The following RBFOX1 variants were observed in gnomAD, a reference collection of about 807,000 sequenced individuals.
RBFOX1 encodes RNA binding protein fox-1 homolog 1.
A neutral mutation model predicts 57.7 loss-of-function variants in RBFOX1; 8 were observed. The observed-to-expected ratio is 0.14, with a 90% CI of 0.08 to 0.25. The LOEUF is 0.25. Among genes scored for constraint, RBFOX1 ranks in the 10% least tolerant of loss-of-function variants. RBFOX1 has a pLI of 1.00. For synonymous variants in RBFOX1, 326 were observed against 222.4 expected, an observed-to-expected ratio of 1.47 and a Z score of -4.15; for missense variants, 611 against 548.5, an observed-to-expected ratio of 1.11 and a Z score of -1.14.
chr16:6,788,995 A>G lies in RBFOX1; in HGVS notation c.-16+134345A>G, dbSNP rs1285504920. On this transcript the variant is annotated intron_variant, in intron 3 of 15. Transcript: ENST00000550418. ...TGGGACATGTGGTTTTATTCCCTGA[A>G]AAGTCACTTCTGGATGGACCCAGTC... Among the ~76,000 whole-genome samples the G allele has an allele frequency of 3.9e-5, 6 of 152,214 alleles. No individual in the cohort carries two copies. In the South Asian group the frequency reaches 6.2e-4, roughly 16 times the overall value.
chr16:7,286,712 C>G (rs186304373), intron 4 of RBFOX1, among the ~76,000 whole-genome samples: 1 of 150,764 alleles, frequency 6.6e-6, no homozygotes, highest in Non-Finnish European at 1.5e-5. Context: ...CAAGCTCCGC[C>G]TCCTGGGTAC....
intron 4 of RBFOX1, among the ~76,000 whole-genome samples, chr16:7,249,762 T>C (rs1457569677): frequency 6.6e-6 from 1 of 152,182 alleles, no homozygotes; most frequent in East Asian, 1.9e-4. Flanking sequence ...AAACCGACAG[T>C]GATGAGCAAC....
chr16:6,210,765 A>G (rs1457453013), intron 1 of RBFOX1, among the ~76,000 whole-genome samples: 1 of 152,140 alleles, frequency 6.6e-6, no homozygotes, highest in East Asian at 1.9e-4. Flanking sequence ...AAAAATTAAA[A>G]AAGGAATCTT....
At chr16:7,471,078 T>A (rs2061469972) in intron 4 of RBFOX1, among the ~76,000 whole-genome samples, 1 of 152,172 alleles carries the variant, frequency 6.6e-6, no homozygotes, top group Non-Finnish European at 1.5e-5. Context: ...AATGAAAATG[T>A]TCTTCCCAAC....
intron 4 of RBFOX1, among the ~76,000 whole-genome samples, chr16:7,178,974 T>C (rs771918540): frequency 9.9e-5 from 15 of 152,184 alleles, no homozygotes; most frequent in Non-Finnish European, 2.2e-4. Context: ...CATTATAATT[T>C]TCGGTGGCAG....
chr16:6,072,086 A>C (rs1200141844), intron 1 of RBFOX1, among the ~76,000 whole-genome samples: 2 of 152,214 alleles, frequency 1.3e-5, no homozygotes, highest in Non-Finnish European at 2.9e-5. Context: ...GAGACCTCAC[A>C]ATCATGGCTG....
intron 3 of RBFOX1, among the ~76,000 whole-genome samples, chr16:5,612,405 A>C (rs1020948696): frequency 4.9e-4 from 75 of 152,204 alleles, no homozygotes; most frequent in African/African-American, 1.6e-3. Context: ...CTAAGGTTAT[A>C]GTGACAAGCC....
chr16:6,740,014 C>G (rs762829926), intron 3 of RBFOX1, among the ~76,000 whole-genome samples: 2 of 152,102 alleles, frequency 1.3e-5, no homozygotes, highest in Admixed American at 6.5e-5. Context: ...AGAATTAACA[C>G]TATTTAAAAC....
chr16:7,508,754 A>G (rs1600384335), intron 4 of RBFOX1, among the ~76,000 whole-genome samples: 1 of 152,290 alleles, frequency 6.6e-6, no homozygotes. Context: ...GAAAGGTTGA[A>G]TTCTTCCAGG....
chr16:6,537,939 T>A (rs893599449), intron 2 of RBFOX1, among the ~76,000 whole-genome samples: 1 of 151,928 alleles, frequency 6.6e-6, no homozygotes, highest in Non-Finnish European at 1.5e-5. Flanking sequence ...TTTTTTTTTT[T>A]AATAAAAAGG....
chr16:7,211,621 G>C (rs1012465933), intron 4 of RBFOX1, among the ~76,000 whole-genome samples: 1 of 152,132 alleles, frequency 6.6e-6, no homozygotes, highest in Non-Finnish European at 1.5e-5. Context: ...GGCACACCTA[G>C]TAAGCAAGGG....
At chr16:6,055,470 T>C (rs1435370523) in intron 1 of RBFOX1, among the ~76,000 whole-genome samples, 6 of 151,270 alleles carry the variant, frequency 4.0e-5, no homozygotes, top group Non-Finnish European at 8.8e-5. Context: ...GTGCGTGCCT[T>C]TAATCCCAGC....
intron 4 of RBFOX1, among the ~76,000 whole-genome samples, chr16:7,123,049 G>T (rs144017630): frequency 6.6e-6 from 1 of 152,070 alleles, no homozygotes; most frequent in African/African-American, 2.4e-5. Flanking sequence ...TTAGGGGTTG[G>T]GGGGAGGGTA....
At chr16:6,223,994 C>G (rs1252684119) in intron 1 of RBFOX1, among the ~76,000 whole-genome samples, 1 of 152,052 alleles carries the variant, frequency 6.6e-6, no homozygotes, top group Non-Finnish European at 1.5e-5. Context: ...TCAGGTTTGT[C>G]AAAGATCAGA....
chr16:6,280,340 CCT>C (rs1279760638), intron 1 of RBFOX1, among the ~76,000 whole-genome samples: 2 of 152,166 alleles, frequency 1.3e-5, no homozygotes, highest in Non-Finnish European at 2.9e-5. Flanking sequence ...TCTTTGTTTT[CCT>C]CTCTCTTCCT....
chr16:7,382,208 G>A (rs1006079775), intron 4 of RBFOX1, among the ~76,000 whole-genome samples: 1 of 152,104 alleles, frequency 6.6e-6, no homozygotes, highest in Non-Finnish European at 1.5e-5. Flanking sequence ...CTCCATTTCA[G>A]TAAACTAATT....
At chr16:7,514,758 A>G (rs4786177) in intron 4 of RBFOX1, among the ~76,000 whole-genome samples, 141,473 of 152,214 alleles carry the variant, frequency 0.93, 66,154 homozygotes, top group Non-Finnish European at 0.99. Context: ...AGCTTCTGGA[A>G]GGCATGACCC....
At chr16:7,013,314 G>A (rs548442543) in intron 3 of RBFOX1, among the ~76,000 whole-genome samples, 36 of 152,290 alleles carry the variant, frequency 2.4e-4, no homozygotes, top group African/African-American at 8.2e-4. Context: ...GCTTAACTCA[G>A]TGTTCTGCTC....
At chr16:6,991,373 T>G (rs948633247) in intron 3 of RBFOX1, among the ~76,000 whole-genome samples, 6 of 152,148 alleles carry the variant, frequency 3.9e-5, no homozygotes, top group Admixed American at 2.6e-4. Flanking sequence ...CTGGACAGGA[T>G]GCCTGGGAGA....
Sources: gnomAD v4.1 joint callset for allele counts (sites outside exome capture counted in the v4.1 genomes callset) on GRCh38, gnomAD v4.1.1 for gene constraint, MANE v1.5 for transcripts, NCBI Gene and HGNC (gene_info 2026-07-23, HGNC 2026-07-21) for gene names.